KIRREL3: variants seen among roughly 807,000 people sequenced by gnomAD.
KIRREL3 encodes kirre like nephrin family adhesion molecule 3, also known as kin of IRRE-like protein 3.
KIRREL3 carries 36 observed loss-of-function variants against 89.7 expected under a neutral mutation model. The ratio of observed to expected loss-of-function variants is 0.40; its 90% CI spans 0.31 to 0.53. KIRREL3 has a LOEUF of 0.53. Ranked by LOEUF, KIRREL3 falls within the 20% of genes least tolerant of loss-of-function variation. The probability of loss-of-function intolerance (pLI) is 0.49; values close to 1 mark genes in which losing one functional copy is unlikely to be tolerated. For missense variants in KIRREL3, 864 were observed against 1,056.6 expected (o/e 0.82, Z 2.53); for synonymous variants, 445 against 441.4 (o/e 1.01, Z -0.10).
chr11:126,512,290 G>C (rs912012635), intron 4 of KIRREL3, among the ~76,000 whole-genome samples: 1 of 152,236 alleles, frequency 6.6e-6, no homozygotes, highest in African/African-American at 2.4e-5. Flanking sequence ...ATTTGGCTCT[G>C]AGGTGTGTGT....
In KIRREL3 at chr11:126,492,125, A is replaced by G. The variant is rs1957535002; in HGVS notation, c.434-18659T>C. ...CCTCCGGGCTTATAAAATGGACAAA[A>G]GGATAAGTTGCAGAGGGCCACCGAG... is the stretch of plus-strand genomic sequence containing the variant. On this transcript the variant is annotated intron_variant, in intron 4 of 16. Transcript: ENST00000525144. The surrounding 1 kb of genome is among the most constrained non-coding windows in gnomAD (Gnocchi z 4.8). Among the ~76,000 whole-genome samples the G allele has an allele frequency of 6.6e-6, 1 of 152,192 alleles. No individual in the cohort carries two copies. Among genetic ancestry groups the G allele is most frequent in the South Asian group, 2.1e-4 (1 of 4,830 alleles).
At chr11:126,702,843 A>G (rs552054048) in intron 1 of KIRREL3, among the ~76,000 whole-genome samples, 2 of 152,334 alleles carry the variant, frequency 1.3e-5, no homozygotes, top group African/African-American at 4.8e-5. Flanking sequence ...AAAGACCAAC[A>G]GGACTGGGTG....
At chr11:126,974,986 T>C (rs1033632191) in intron 1 of KIRREL3, among the ~76,000 whole-genome samples, 5 of 152,208 alleles carry the variant, frequency 3.3e-5, no homozygotes, top group Non-Finnish European at 7.3e-5. Flanking sequence ...AATTTTTGTA[T>C]TTTTTGTAGA....
intron 4 of KIRREL3, among the ~76,000 whole-genome samples, chr11:126,497,227 T>A (rs28556711): frequency 6.6e-6 from 1 of 151,102 alleles, no homozygotes; most frequent in African/African-American, 2.4e-5. Context: ...AGAGTGAGTG[T>A]GTGTGAGACA....
intron 1 of KIRREL3, among the ~76,000 whole-genome samples, chr11:126,979,567 A>G (rs1949668085): frequency 6.6e-6 from 1 of 152,182 alleles, no homozygotes; most frequent in African/African-American, 2.4e-5. Flanking sequence ...TTGGGGAGTG[A>G]AGGACACCAG....
At chr11:126,945,350 G>A (rs1948589668) in intron 1 of KIRREL3, among the ~76,000 whole-genome samples, 1 of 152,150 alleles carries the variant, frequency 6.6e-6, no homozygotes, top group African/African-American at 2.4e-5. Flanking sequence ...GCAGAGGTGG[G>A]AGAATGCCAG....
Position 126,795,636 on chromosome 11 carries a change from G to A in KIRREL3, c.55+204819C>T, listed in dbSNP as rs1950783651. On this transcript the variant is annotated intron_variant, in intron 1 of 16. Transcript: ENST00000525144. This position sits in a 1 kb window ranked among gnomAD's most constrained non-coding sequence, Gnocchi z 4.1. ...TGACCTCAGGTGATCCACCCTCCTC[G>A]GCCTCCCCAAGTGCCAGGATTACAG... Among the ~76,000 whole-genome samples the A allele has an allele frequency of 6.6e-6, 1 of 152,032 alleles. No individual in the cohort carries two copies. Among genetic ancestry groups the A allele is most frequent in the Non-Finnish European group, 1.5e-5 (1 of 68,004 alleles).
intron 1 of KIRREL3, among the ~76,000 whole-genome samples, chr11:126,644,156 C>A (rs975876248): frequency 6.6e-6 from 1 of 152,074 alleles, no homozygotes; most frequent in African/African-American, 2.4e-5. Context: ...ATTTAGGGGA[C>A]TAGCATGGTA....
At chr11:126,922,879 C>T (rs1947410891) in intron 1 of KIRREL3, among the ~76,000 whole-genome samples, 1 of 152,196 alleles carries the variant, frequency 6.6e-6, no homozygotes, top group Non-Finnish European at 1.5e-5. Flanking sequence ...AGTGTTCTGG[C>T]ACCCATGTCT....
intron 1 of KIRREL3, among the ~76,000 whole-genome samples, chr11:126,700,068 C>A (rs1241817525): frequency 6.6e-6 from 1 of 152,030 alleles, no homozygotes; most frequent in Non-Finnish European, 1.5e-5. Context: ...GTGGCTCATG[C>A]CTGTGGTCCC....
chr11:126,479,295 T>C (rs955330359), intron 4 of KIRREL3, among the ~76,000 whole-genome samples: 8 of 152,164 alleles, frequency 5.3e-5, no homozygotes, highest in African/African-American at 1.7e-4. Flanking sequence ...CAGCCTGCCA[T>C]GTGTCCTGCC....
intron 1 of KIRREL3, among the ~76,000 whole-genome samples, chr11:126,964,030 T>C (rs1949186355): frequency 6.6e-6 from 1 of 152,230 alleles, no homozygotes; most frequent in Non-Finnish European, 1.5e-5. Context: ...ATCCCTTCAG[T>C]GCAAGGGACC....
At position 126,732,210 on chromosome 11, in the gene KIRREL3, AG is replaced by A. The variant is rs1290496788; in HGVS notation, c.56-169299del. Among the ~76,000 whole-genome samples the A allele has an allele frequency of 4.8e-4, 73 of 152,256 alleles. 1 individual carries two copies. The highest frequency in any genetic ancestry group is 9.4e-4 in the Non-Finnish European group (64 of 68,038). ...GGAAGGAGGTTTATAAGTAATGGCT[AG>A]AGCGATAGAGTAATTAATAGGAAAC... On this transcript the variant is annotated intron_variant, in intron 1 of 16. Transcript: ENST00000525144.
At chr11:126,845,155 A>G (rs1244235891) in intron 1 of KIRREL3, among the ~76,000 whole-genome samples, 1 of 152,092 alleles carries the variant, frequency 6.6e-6, no homozygotes, top group Admixed American at 6.5e-5. Flanking sequence ...GCCAGTGTCT[A>G]TGTTTTGTCA....
rs1411286938 is a variant in KIRREL3 at position 126,877,005 on chromosome 11, GA to G, written c.55+123449del. Among the ~76,000 whole-genome samples the G allele has an allele frequency of 6.6e-6, 1 of 152,188 alleles. No individual in the cohort carries two copies. The highest frequency in any genetic ancestry group is 1.5e-5 in the Non-Finnish European group (1 of 68,042). On this transcript the variant is annotated intron_variant, in intron 1 of 16. Coordinates refer to ENST00000525144, the MANE Select transcript of KIRREL3 (RefSeq NM_032531.4). The surrounding 1 kb of genome is among the most constrained non-coding windows in gnomAD (Gnocchi z 4.9). ...CCCAGGAAAAGGAACAACAGATAAG[GA>G]AGAGGTGCAAGCTGCTGAGGTCTGC...
intron 1 of KIRREL3, among the ~76,000 whole-genome samples, chr11:126,971,322 C>G (rs1264716235): frequency 2.0e-5 from 3 of 152,118 alleles, no homozygotes; most frequent in African/African-American, 7.2e-5. Context: ...CCAGCTATAA[C>G]CTGAGAATAA....
At chr11:126,864,410 C>T (rs1430194284) in intron 1 of KIRREL3, among the ~76,000 whole-genome samples, 2 of 152,316 alleles carry the variant, frequency 1.3e-5, no homozygotes, top group East Asian at 3.9e-4. Context: ...GAGGGCTGCA[C>T]AGCTTGCAGT....
chr11:126,892,076 G>A lies in KIRREL3; in HGVS notation c.55+108379C>T, dbSNP rs191481009. 2.9e-3 allele frequency among the ~76,000 whole-genome samples: 449 copies of A among 152,262 alleles called. 4 individuals are homozygous for A. Among genetic ancestry groups the A allele is most frequent in the Middle Eastern group, 0.014 (4 of 294 alleles). On this transcript the variant is annotated intron_variant, in intron 1 of 16. Transcript: ENST00000525144. The surrounding 1 kb of genome is among the most constrained non-coding windows in gnomAD (Gnocchi z 5.4). ...GAATTCTGATCCTGGCTCTATCAGT[G>A]TCTCTGTGCACCAGAGAGAGGCCAC... is the stretch of plus-strand genomic sequence containing the variant.
intron 1 of KIRREL3, among the ~76,000 whole-genome samples, chr11:126,770,959 C>T (rs975047985): frequency 2.0e-5 from 3 of 152,170 alleles, no homozygotes; most frequent in Non-Finnish European, 2.9e-5. Context: ...CCTCAGCCTC[C>T]CGAGTAGCTG....
Sources: gnomAD v4.1 joint callset for allele counts (sites outside exome capture counted in the v4.1 genomes callset) on GRCh38, gnomAD v4.1.1 for gene constraint, Gnocchi (gnomAD v3.1) non-coding constraint, MANE v1.5 for transcripts, NCBI Gene and HGNC (gene_info 2026-07-23, HGNC 2026-07-21) for gene names.